The following SCN1A variants were observed in gnomAD, a reference collection of about 807,000 sequenced individuals.
SCN1A encodes sodium channel protein type 1 subunit alpha.
A neutral mutation model predicts 193.7 loss-of-function variants in SCN1A; 13 were observed. That is an observed-to-expected ratio of 0.07 (90% CI 0.04 to 0.11). The LOEUF is 0.11. Ranked by LOEUF, SCN1A falls within the 10% of genes least tolerant of loss-of-function variation. SCN1A has a pLI of 1.00. For synonymous variants in SCN1A, 781 were observed against 843.6 expected, an observed-to-expected ratio of 0.93 and a Z score of 1.29; for missense variants, 1,432 against 2,451.1, an observed-to-expected ratio of 0.58 and a Z score of 8.78.
chr2:166,122,737 T>G (rs569057536), intron 2 of SCN1A, among the ~76,000 whole-genome samples: 1 of 152,206 alleles, frequency 6.6e-6, no homozygotes, highest in South Asian at 2.1e-4. Flanking sequence ...TCAGAATGAA[T>G]CCTAGATCTA....
chr2:166,038,414 C>T (rs1696733729), intron 17 of SCN1A, among the ~76,000 whole-genome samples: 1 of 151,722 alleles, frequency 6.6e-6, no homozygotes, highest in African/African-American at 2.4e-5. Context: ...GATCTCGGCT[C>T]ACTGCAACCT....
chr2:166,049,153 A>T (rs1698235749), intron 9 of SCN1A, among the ~76,000 whole-genome samples: 1 of 88,066 alleles, frequency 1.1e-5, no homozygotes, highest in Non-Finnish European at 3.2e-5. Flanking sequence ...TTTCTTCATT[A>T]TGAAGAAATG....
chr2:166,050,695 T>G (rs1170197688), intron 9 of SCN1A, among the ~76,000 whole-genome samples: 1 of 142,980 alleles, frequency 7.0e-6, no homozygotes, highest in Non-Finnish European at 1.5e-5. Flanking sequence ...CCCACACTGG[T>G]CTCAAACTCC....
At position 166,045,270 on chromosome 2, in the gene SCN1A, G is replaced by A; in HGVS notation, c.1435C>T (p.Leu479Phe). Residue 479 changes from leucine to phenylalanine, a missense_variant, in exon 13 of 29, where the codon CTC (leucine) becomes TTC (phenylalanine). By Grantham distance (22) the Leu-to-Phe change is conservative. Coordinates refer to ENST00000674923, the MANE Select transcript of SCN1A (RefSeq NM_001165963.4). ...HSREPSAAGR[L>F]SDSSSEASKL... ...GAGGCTTCAGATGAGCTGTCTGAGA[G>A]CCTGCCTGCTGCACTGGGCTCTCTG... 6 of 1,614,156 alleles carry A rather than the reference G, an allele frequency of 3.7e-6. No homozygotes were observed. The highest frequency in any genetic ancestry group is 5.1e-6 in the Non-Finnish European group (6 of 1,180,012).
rs1688645354 is a variant in SCN1A at position 165,986,847 on chromosome 2, C to T, written c.*4398G>A. 1 of 151,962 alleles carries T rather than the reference C, an allele frequency of 6.6e-6. No individual in the cohort carries two copies. The highest frequency in any genetic ancestry group is 1.5e-5 in the Non-Finnish European group (1 of 67,962). The allele number at this position is 151,962 out of a possible 1,614,324, so 9.4% of individuals were successfully genotyped here. On this transcript the variant is annotated 3_prime_UTR_variant, in exon 29 of 29. Transcript: ENST00000674923. ...TGAGCTGCAGACATTGTTGCATTCA[C>T]CCCTAAATACTTTAGCATGCATTTT... is the stretch of plus-strand genomic sequence containing the variant.
chr2:166,012,411 A>T, intron 21 of SCN1A, 129 bp from the exon 22 acceptor site: 2 of 722,584 alleles, frequency 2.8e-6, no homozygotes, highest in Non-Finnish European at 2.3e-6. Context: ...AGTTACTGTT[A>T]CTTTTTTTTT....
At chr2:166,118,587 T>G (rs1412827022) in intron 2 of SCN1A, among the ~76,000 whole-genome samples, 2 of 152,032 alleles carry the variant, frequency 1.3e-5, no homozygotes, top group Admixed American at 6.6e-5. Flanking sequence ...TGTTTTCTCC[T>G]TGGTTTTGTC....
intron 2 of SCN1A, among the ~76,000 whole-genome samples, chr2:166,119,576 A>G (rs960417158): frequency 6.6e-6 from 1 of 152,194 alleles, no homozygotes; most frequent in African/African-American, 2.4e-5. Flanking sequence ...ATTTCTTAAA[A>G]TTCGTGCTGA....
chr2:166,103,449 TTAAATAAATAAATAAA>T (rs56754104), intron 2 of SCN1A, among the ~76,000 whole-genome samples: 3,654 of 142,962 alleles, frequency 0.026, 88 homozygotes, highest in African/African-American at 0.053. Flanking sequence ...AGACTCTGTC[TTAAATAAATAAATAAA>T]TAAATAAATA....
intron 2 of SCN1A, among the ~76,000 whole-genome samples, chr2:166,079,871 C>T (rs1685321235): frequency 6.6e-6 from 1 of 151,278 alleles, no homozygotes; most frequent in Admixed American, 6.6e-5. Flanking sequence ...TGAAATCATA[C>T]TGATACTAGA....
intron 23 of SCN1A, 132 bp from the exon 24 acceptor site, chr2:166,002,885 G>A (rs1691130241): frequency 1.4e-6 from 1 of 712,636 alleles, no homozygotes; most frequent in East Asian, 2.9e-5. Flanking sequence ...ATATGTAAAA[G>A]CAAGGTTCAA....
intron 1 of SCN1A, among the ~76,000 whole-genome samples, chr2:166,141,705 T>C (rs910631343): frequency 7.3e-5 from 11 of 151,040 alleles, no homozygotes; most frequent in Admixed American, 1.3e-4. Flanking sequence ...TAAACACTTA[T>C]GTTATTTTCT....
At position 166,039,602 on chromosome 2, in the gene SCN1A, A is replaced by T; in HGVS notation, c.2416-6T>A. ...GTAAAGATCCCAGTGAAAACCTAAG[A>T]TCAAAACAAAATTAATCTAATTCCA... On this transcript the variant is annotated splice_polypyrimidine_tract_variant and splice_region_variant and intron_variant, in intron 16 of 28. Coordinates refer to ENST00000674923, the MANE Select transcript of SCN1A (RefSeq NM_001165963.4). 1.2e-6 allele frequency: 2 copies of T among 1,612,290 alleles called. No individual in the cohort carries two copies. The highest frequency in any genetic ancestry group is 1.7e-6 in the Non-Finnish European group (2 of 1,178,470).
intron 19 of SCN1A, among the ~76,000 whole-genome samples, chr2:166,025,577 A>G (rs1415812217): frequency 6.6e-6 from 1 of 152,156 alleles, no homozygotes; most frequent in Non-Finnish European, 1.5e-5. Context: ...CCATATCCAC[A>G]GGTTCCAACC....
At chr2:166,042,665 A>G (rs1697321764) in intron 14 of SCN1A, among the ~76,000 whole-genome samples, 1 of 152,242 alleles carries the variant, frequency 6.6e-6, no homozygotes, top group Admixed American at 6.5e-5. Context: ...TTTATAAAAT[A>G]CAAAATAATT....
At position 166,121,037 on chromosome 2, in the gene SCN1A, C is replaced by A. The variant is rs867604566; in HGVS notation, c.-142+5887G>T. On this transcript the variant is annotated intron_variant, in intron 2 of 28. Transcript: ENST00000674923. ...TAAGTTTACTCTTAACTAAAAGGAT[C>A]AGATTCATGACCCAAACTTGACCAA... 5.4e-5 allele frequency among the ~76,000 whole-genome samples: 8 copies of A among 148,012 alleles called. No homozygotes were observed. In the South Asian group the frequency reaches 1.3e-3, roughly 24 times the overall value.
intron 7 of SCN1A, 179 bp from the exon 8 acceptor site, chr2:166,053,122 G>A (rs1356477782): frequency 4.3e-6 from 5 of 1,160,520 alleles, no homozygotes; most frequent in Non-Finnish European, 6.5e-6. Context: ...TACAAATTCT[G>A]TTACAAACCT....
chr2:166,050,095 A>G (rs1574253773), intron 9 of SCN1A, among the ~76,000 whole-genome samples: 1 of 151,970 alleles, frequency 6.6e-6, no homozygotes, highest in African/African-American at 2.4e-5. Context: ...GAAAGTTGAC[A>G]TAGTATTTCC....
chr2:166,050,545 AT>A (rs11313339), intron 9 of SCN1A, among the ~76,000 whole-genome samples: 107,047 of 144,868 alleles, frequency 0.74, 39,954 homozygotes, highest in East Asian at 0.89. Flanking sequence ...ACCTACTGGC[AT>A]TCGTATCACC....
Sources: allele counts gnomAD v4.1 joint callset (sites outside exome capture counted in the v4.1 genomes callset), GRCh38; gene constraint gnomAD v4.1.1; transcripts MANE v1.5; gene names NCBI Gene and HGNC (gene_info 2026-07-23, HGNC 2026-07-21).